The following NATD1 variants were observed in gnomAD, a reference collection of about 807,000 sequenced individuals.
NATD1 encodes N-acetyltransferase domain containing 1.
A neutral mutation model predicts 12.0 loss-of-function variants in NATD1; 9 were observed. The observed-to-expected ratio is 0.75, with a 90% CI of 0.45 to 1.30. The LOEUF is 1.30. Among genes scored for constraint, NATD1 ranks in the 50% most tolerant of loss-of-function variants. The probability of loss-of-function intolerance (pLI) is 0.00; values close to 1 mark genes in which losing one functional copy is unlikely to be tolerated. For missense variants in NATD1, 148 were observed against 148.5 expected, an observed-to-expected ratio of 1.00 and a Z score of 0.02; for synonymous variants, 71 against 65.9, an observed-to-expected ratio of 1.08 and a Z score of -0.37.
At chr17:21,252,562 T>G (rs1421424549) in intron 1 of NATD1, among the ~76,000 whole-genome samples, 1 of 152,130 alleles carries the variant, frequency 6.6e-6, no homozygotes, top group Non-Finnish European at 1.5e-5. Flanking sequence ...ACTGAAGTCT[T>G]GATAGTGATA....
Position 21,239,101 on chromosome 17 carries a change from G to A in NATD1, c.*4212C>T, listed in dbSNP as rs546014228. On this transcript the variant is annotated 3_prime_UTR_variant, in exon 3 of 3. Coordinates refer to ENST00000611551, the MANE Select transcript of NATD1 (RefSeq NM_152914.3). ...TGAGCAAATCCAAGAACCCTGAACT[G>A]AGGAAGAGCAGTGTGAGTACATGGT... The A allele has an allele frequency of 6.6e-6, 1 of 152,294 alleles. No individual in the cohort carries two copies. Among genetic ancestry groups the A allele is most frequent in the Admixed American group, 6.5e-5 (1 of 15,300 alleles). The allele number at this position is 152,294 out of a possible 1,614,324, so 9.4% of individuals were successfully genotyped here.
chr17:21,251,679 C>G (rs931459408), intron 1 of NATD1, among the ~76,000 whole-genome samples: 1 of 152,198 alleles, frequency 6.6e-6, no homozygotes, highest in Non-Finnish European at 1.5e-5. Context: ...GGGCCTGGCT[C>G]GACACTCGGC....
At chr17:21,245,202 G>C (rs1031262031) in intron 1 of NATD1, among the ~76,000 whole-genome samples, 12 of 152,098 alleles carry the variant, frequency 7.9e-5, no homozygotes, top group African/African-American at 2.7e-4. Flanking sequence ...TGAGGCAGGA[G>C]TAGGCCTGAA....
In NATD1 at chr17:21,239,757, C is replaced by T. The variant is rs1256492364; in HGVS notation, c.*3556G>A. The T allele has an allele frequency of 6.6e-6, 1 of 152,228 alleles. No homozygotes were observed. Among genetic ancestry groups the T allele is most frequent in the African/African-American group, 2.4e-5 (1 of 41,434 alleles). The allele number at this position is 152,228 out of a possible 1,614,324, so 9.4% of individuals were successfully genotyped here. A position where few individuals can be genotyped will look rare whatever the true frequency, so the allele number is the denominator to read the frequency against. ...TGAGCTGAGATCGCACCTCTGCACT[C>T]CAGCCTGGGCGACAGAGCAAGACTC... On this transcript the variant is annotated 3_prime_UTR_variant, in exon 3 of 3. Coordinates refer to ENST00000611551, the MANE Select transcript of NATD1 (RefSeq NM_152914.3).
chr17:21,244,700 C>G lies in NATD1; in HGVS notation c.107-476G>C, dbSNP rs1975310539. 6.6e-6 allele frequency among the ~76,000 whole-genome samples: 1 copy of G among 152,140 alleles called. No homozygotes were observed. ...CACGCATCAGGACCACCTGCTGGAC[C>G]CTGAGAGAGACGCAGCAGGAAAGAT... On this transcript the variant is annotated intron_variant, in intron 1 of 2. Transcript: ENST00000611551. The surrounding 1 kb of genome is among the most constrained non-coding windows in gnomAD (Gnocchi z 5.2).
rs1246109827 is a variant in NATD1, at chr17:21,243,245, G to GCACGTGGGGCCAGGCAAAGGC, written c.*47_*67dup. On this transcript the variant is annotated 3_prime_UTR_variant, in exon 3 of 3. Transcript: ENST00000611551. ...TCCCAGTGGGACCAGGTTCCTGAGA[G>GCACGTGGGGCCAGGCAAAGGC]CACGTGGGGCCAGGCAAAGGCCACG... The GCACGTGGGGCCAGGCAAAGGC allele has an allele frequency of 5.6e-6, 7 of 1,260,400 alleles. No homozygotes were observed. Among genetic ancestry groups the GCACGTGGGGCCAGGCAAAGGC allele is most frequent in the Non-Finnish European group, 7.9e-6 (7 of 887,528 alleles). The allele number at this position is 1,260,400 out of a possible 1,614,324, so 78.1% of individuals were successfully genotyped here. A position where few individuals can be genotyped will look rare whatever the true frequency, so the allele number is the denominator to read the frequency against.
At position 21,243,438 on chromosome 17, in the gene NATD1, C is replaced by T. The variant is rs776075803; in HGVS notation, c.226-9G>A. The T allele has an allele frequency of 1.3e-5, 21 of 1,609,134 alleles. No homozygotes were observed. Among genetic ancestry groups the T allele is most frequent in the African/African-American group, 2.7e-5 (2 of 74,868 alleles). ...ACGAAGTCCAGGGCGGCCTGGGAGC[C>T]GGGCAGAGAGGAGAGTGGTCAGGGC... is the stretch of plus-strand genomic sequence containing the variant. On this transcript the variant is annotated splice_polypyrimidine_tract_variant and intron_variant, in intron 2 of 2. Transcript: ENST00000611551.
chr17:21,252,206 G>A (rs1161845056), intron 1 of NATD1, among the ~76,000 whole-genome samples: 1 of 152,208 alleles, frequency 6.6e-6, no homozygotes, highest in African/African-American at 2.4e-5. Flanking sequence ...TCCTGAGGCT[G>A]AGGCAGGAGA....
chr17:21,243,131 G>C lies in NATD1; in HGVS notation c.*182C>G, dbSNP rs1473315748. The C allele has an allele frequency of 1.8e-6, 1 of 556,744 alleles. No homozygotes were observed. The highest frequency in any genetic ancestry group is 3.2e-6 in the Non-Finnish European group (1 of 312,078). 34.5% of individuals were successfully genotyped at this position (556,744 alleles called of 1,614,324 possible). A position where few individuals can be genotyped will look rare whatever the true frequency, so the allele number is the denominator to read the frequency against. On this transcript the variant is annotated 3_prime_UTR_variant, in exon 3 of 3. Coordinates refer to ENST00000611551, the MANE Select transcript of NATD1 (RefSeq NM_152914.3). Reference sequence around the variant, plus strand: ...TGGCCTCCTTGCCGCCTCGGTTACCGGGTCACCGCCCATCATTGGTCAGCT... The same window carrying C: ...TGGCCTCCTTGCCGCCTCGGTTACCCGGTCACCGCCCATCATTGGTCAGCT...
intron 2 of NATD1, 136 bp from the exon 3 acceptor site, chr17:21,243,565 A>G (rs1182801202): frequency 4.7e-6 from 3 of 642,866 alleles, no homozygotes; most frequent in Non-Finnish European, 8.1e-6. Flanking sequence ...CTTGAGTTTC[A>G]GTGTCACCTG....
intron 1 of NATD1, among the ~76,000 whole-genome samples, chr17:21,247,979 C>G (rs116758375): frequency 2.9e-4 from 44 of 152,148 alleles, no homozygotes; most frequent in Admixed American, 1.2e-3. Flanking sequence ...ATGGAGTTGA[C>G]TGGGGATAGG....
chr17:21,244,127 G>A lies in NATD1; in HGVS notation c.204C>T (p.Gly68=). 1.2e-6 allele frequency: 2 copies of A among 1,612,634 alleles called. No homozygotes were observed. The highest frequency in any genetic ancestry group is 2.2e-5 in the South Asian group (2 of 90,978). The change falls in exon 2 of 3, where the codon GGC becomes GGT. Residue 68 remains glycine (G), a synonymous_variant. Transcript: ENST00000611551. This position sits in a 1 kb window ranked among gnomAD's most constrained non-coding sequence, Gnocchi z 5.2. ...TEVPDAYRGR[G]IAKHLAKAAL... ...CTACCTTGGCAAGGTGCTTGGCGAT[G>A]CCACGCCCACGGTAGGCATCTGGGA...
In NATD1 at chr17:21,238,941, A is replaced by C. The variant is rs966813575; in HGVS notation, c.*4372T>G. On this transcript the variant is annotated 3_prime_UTR_variant, in exon 3 of 3. Transcript: ENST00000611551. ...CTGATACAACTGAAAACATAACCCT[A>C]AATTTGATTCTGCAGGTTGCAGTTA... 3 of 152,144 alleles carry C rather than the reference A, an allele frequency of 2.0e-5. No homozygotes were observed. The highest frequency in any genetic ancestry group is 4.4e-5 in the Non-Finnish European group (3 of 68,036). 9.4% of individuals were successfully genotyped at this position (152,144 alleles called of 1,614,324 possible).
chr17:21,242,942 C>A lies in NATD1; in HGVS notation c.*371G>T, dbSNP rs865945882. 2 of 180,746 alleles carry A rather than the reference C, an allele frequency of 1.1e-5. No homozygotes were observed. The highest frequency in any genetic ancestry group is 2.1e-3 in the Middle Eastern group (1 of 470). 11.2% of individuals were successfully genotyped at this position (180,746 alleles called of 1,614,324 possible). A position where few individuals can be genotyped will look rare whatever the true frequency, so the allele number is the denominator to read the frequency against. On this transcript the variant is annotated 3_prime_UTR_variant, in exon 3 of 3. Coordinates refer to ENST00000611551, the MANE Select transcript of NATD1 (RefSeq NM_152914.3). The stretch of plus-strand genomic sequence containing the variant: ...ACCTTCTTAATTTCCAGAAAGGACA[C>A]AGGCCCAGGAGAGGTGGCAGCAGGG...
At chr17:21,252,259 T>G (rs1975383197) in intron 1 of NATD1, among the ~76,000 whole-genome samples, 1 of 140,950 alleles carries the variant, frequency 7.1e-6, no homozygotes, top group Non-Finnish European at 1.6e-5. Context: ...GAGCCGAGAT[T>G]GTGTCACAGG....
At chr17:21,247,395 G>A (rs1781310623) in intron 1 of NATD1, among the ~76,000 whole-genome samples, 2 of 152,196 alleles carry the variant, frequency 1.3e-5, no homozygotes, top group Non-Finnish European at 2.9e-5. Flanking sequence ...GGAGACAGCA[G>A]GACAGAAGCG....
intron 1 of NATD1, among the ~76,000 whole-genome samples, chr17:21,245,776 C>G (rs1269620947): frequency 6.6e-6 from 1 of 152,188 alleles, no homozygotes; most frequent in South Asian, 2.1e-4. Context: ...CCGTTCCTGC[C>G]AGGCCCAGCT....
At chr17:21,246,539 A>G in intron 1 of NATD1, among the ~76,000 whole-genome samples, 1 of 151,402 alleles carries the variant, frequency 6.6e-6, no homozygotes, top group Non-Finnish European at 1.5e-5. Context: ...AAAAAAAAAA[A>G]AGCTGAGCAT....
At chr17:21,251,680 GACA>G (rs2144370700) in intron 1 of NATD1, among the ~76,000 whole-genome samples, 1 of 152,332 alleles carries the variant, frequency 6.6e-6, no homozygotes, top group South Asian at 2.1e-4. Context: ...GGCCTGGCTC[GACA>G]CTCGGCACAT....
Sources: allele counts gnomAD v4.1 joint callset (sites outside exome capture counted in the v4.1 genomes callset), GRCh38; gene constraint gnomAD v4.1.1; non-coding constraint Gnocchi (gnomAD v3.1); transcripts MANE v1.5; gene names NCBI Gene and HGNC (gene_info 2026-07-23, HGNC 2026-07-21).